The following SBF2 variants were observed in gnomAD, a reference collection of about 807,000 sequenced individuals.
SBF2 encodes myotubularin-related protein 13.
In SBF2, 112 loss-of-function variants were observed where a neutral mutation model predicts 225.2. The observed-to-expected ratio is 0.50, with a 90% CI of 0.43 to 0.58. SBF2 has a LOEUF of 0.58. Among genes scored for constraint, SBF2 ranks in the 20% least tolerant of loss-of-function variants. The probability of loss-of-function intolerance (pLI) is 0.00; values close to 1 mark genes in which losing one functional copy is unlikely to be tolerated. For missense variants in SBF2, 1,996 were observed against 2,206.2 expected (o/e 0.90, Z 1.91); for synonymous variants, 763 against 773.3 (o/e 0.99, Z 0.22).
At chr11:9,791,421 CAAAAAA>C (rs11343948) in intron 33 of SBF2, among the ~76,000 whole-genome samples, 2 of 125,452 alleles carry the variant, frequency 1.6e-5, no homozygotes, top group Admixed American at 7.9e-5. Context: ...ACCAGTTTAT[CAAAAAA>C]AAAAAAAAAA....
chr11:10,203,427 C>A lies in SBF2; in HGVS notation c.56-9440G>T, dbSNP rs191412762. ...CCCTAGATAAAATGTTGCTGTAGAT[C>A]TACCTAACAAAGCTGGGAAACGAGC... is the stretch of plus-strand genomic sequence containing the variant. On this transcript the variant is annotated intron_variant, in intron 1 of 39. Transcript: ENST00000256190. Among the ~76,000 whole-genome samples the A allele has an allele frequency of 5.9e-3, 894 of 152,304 alleles. 9 individuals are homozygous for A. Among genetic ancestry groups the A allele is most frequent in the African/African-American group, 0.02 (835 of 41,560 alleles).
Position 9,940,125 on chromosome 11 carries a change from C to T in SBF2, c.1860+21832G>A, listed in dbSNP as rs142166450. Reference sequence around the variant, plus strand: ...TAAAAAGTACACACTATGCTAAGGCCGGGCGCGGTGGCTCACGCCTGTAAT... The same window carrying T: ...TAAAAAGTACACACTATGCTAAGGCTGGGCGCGGTGGCTCACGCCTGTAAT... On this transcript the variant is annotated intron_variant, in intron 16 of 39. Transcript: ENST00000256190. 2.4e-4 allele frequency among the ~76,000 whole-genome samples: 37 copies of T among 152,242 alleles called. 1 individual carries two copies. The East Asian group carries it at 5.2e-3, about 21-fold the overall frequency.
intron 1 of SBF2, among the ~76,000 whole-genome samples, chr11:10,281,183 C>A (rs1453312592): frequency 1.3e-5 from 2 of 151,968 alleles, no homozygotes; most frequent in African/African-American, 4.8e-5. Context: ...TAAAATAAAT[C>A]CAGAGGGTAG....
intron 35 of SBF2, 57 bp downstream of exon 35, chr11:9,789,052 G>A: frequency 6.9e-7 from 1 of 1,441,346 alleles, no homozygotes; most frequent in Non-Finnish European, 9.8e-7. Context: ...TGGTTCCTTT[G>A]CCCTCATGCC....
chr11:10,027,706 T>C (rs540443194), intron 6 of SBF2, among the ~76,000 whole-genome samples: 5 of 152,296 alleles, frequency 3.3e-5, no homozygotes, highest in African/African-American at 1.2e-4. Context: ...TTTTAAGTTA[T>C]ATATTTCTTA....
chr11:9,822,540 G>T (rs1318895352), intron 28 of SBF2, among the ~76,000 whole-genome samples: 1 of 152,158 alleles, frequency 6.6e-6, no homozygotes, highest in African/African-American at 2.4e-5. Flanking sequence ...GATTACAGGC[G>T]TGAGCCACCG....
intron 14 of SBF2, among the ~76,000 whole-genome samples, chr11:9,966,572 T>C (rs1866926602): frequency 6.6e-6 from 1 of 152,150 alleles, no homozygotes; most frequent in Non-Finnish European, 1.5e-5. Flanking sequence ...TTAATATTTC[T>C]TCCTCAATAG....
chr11:10,084,260 T>C (rs879836913), intron 2 of SBF2, among the ~76,000 whole-genome samples: 1 of 148,198 alleles, frequency 6.7e-6, no homozygotes, highest in South Asian at 2.1e-4. Context: ...AAAAAAAAAG[T>C]GTGCAAAAGA....
At chr11:10,037,625 G>A (rs899564179) in intron 3 of SBF2, among the ~76,000 whole-genome samples, 1 of 145,346 alleles carries the variant, frequency 6.9e-6, no homozygotes, top group East Asian at 2.0e-4. Context: ...CTAGTGTACA[G>A]CAACTTTTGT....
In SBF2 at chr11:9,839,527, G is replaced by T; in HGVS notation, c.3426C>A (p.Ala1142=). The T allele has an allele frequency of 6.2e-7, 1 of 1,614,180 alleles. No homozygotes were observed. Among genetic ancestry groups the T allele is most frequent in the Non-Finnish European group, 8.5e-7 (1 of 1,180,022 alleles). The change falls in exon 26 of 40, where the codon GCC becomes GCA. Residue 1142 remains alanine (A), a synonymous_variant. Coordinates refer to ENST00000256190, the MANE Select transcript of SBF2 (RefSeq NM_030962.4). ...RSRPEYFRIT[A]SNRMYSLCRS... is the part of the protein sequence containing the mutation. ...GGCAGAGTGAATACATCCTGTTGGA[G>T]GCAGTAATTCTAAAATACTCGGGTC...
chr11:9,790,799 G>A, intron 33 of SBF2, 116 bp from the exon 34 acceptor site: 1 of 785,830 alleles, frequency 1.3e-6, no homozygotes. Context: ...TTTAAAAACA[G>A]CAACATTTGT....
chr11:9,816,901 T>G lies in SBF2; in HGVS notation c.3917A>C (p.Gln1306Pro). ...TGCTTGCCGTTTCAAGAGCTGGTTT[T>G]GTAGGTAGCTGCTGTTACTGAAGGA... is the stretch of plus-strand genomic sequence containing the variant. Reference protein sequence around the residue: ...SASFSNSSYLQNQLLKRQAAL... With the variant: ...SASFSNSSYLPNQLLKRQAAL... The change falls in exon 29 of 40, where the codon CAA (glutamine) becomes CCA (proline). Residue 1306 changes from glutamine (Q) to proline (P), a missense_variant. Gln to Pro is a moderately conservative substitution (Grantham distance 76, BLOSUM62 -1). Transcript: ENST00000256190. The G allele has an allele frequency of 6.2e-7, 1 of 1,614,186 alleles. No homozygotes were observed. The highest frequency in any genetic ancestry group is 2.2e-5 in the East Asian group (1 of 44,882).
chr11:10,084,602 G>A (rs1314985252), intron 2 of SBF2, among the ~76,000 whole-genome samples: 1 of 152,092 alleles, frequency 6.6e-6, no homozygotes, highest in Non-Finnish European at 1.5e-5. Flanking sequence ...AGGAAAATAA[G>A]TTATGACATA....
intron 2 of SBF2, among the ~76,000 whole-genome samples, chr11:10,107,310 A>G (rs1301961017): frequency 6.6e-6 from 1 of 152,250 alleles, no homozygotes; most frequent in Non-Finnish European, 1.5e-5. Flanking sequence ...ATACATATAA[A>G]TGGAATACTA....
At chr11:10,013,585 T>C (rs1221589063) in intron 6 of SBF2, among the ~76,000 whole-genome samples, 1 of 152,224 alleles carries the variant, frequency 6.6e-6, no homozygotes, top group Non-Finnish European at 1.5e-5. Context: ...CTTTGTACTG[T>C]CTTTGGTGAT....
At chr11:10,231,254 G>A (rs1234586325) in intron 1 of SBF2, among the ~76,000 whole-genome samples, 4 of 152,034 alleles carry the variant, frequency 2.6e-5, no homozygotes, top group South Asian at 2.1e-4. Flanking sequence ...CCATTGGTTC[G>A]AACTTTCTCC....
At chr11:9,993,528 C>A (rs1370462655) in intron 10 of SBF2, among the ~76,000 whole-genome samples, 1 of 152,258 alleles carries the variant, frequency 6.6e-6, no homozygotes, top group Non-Finnish European at 1.5e-5. Context: ...ACAGACTCTT[C>A]AAACTTGATT....
intron 2 of SBF2, among the ~76,000 whole-genome samples, chr11:10,087,762 T>C (rs1951629072): frequency 6.6e-6 from 1 of 152,224 alleles, no homozygotes; most frequent in East Asian, 1.9e-4. Context: ...AGTTATACTG[T>C]ATCCTGTGTT....
intron 2 of SBF2, among the ~76,000 whole-genome samples, chr11:10,047,014 T>C (rs1227361858): frequency 6.6e-6 from 1 of 151,978 alleles, no homozygotes; most frequent in Non-Finnish European, 1.5e-5. Flanking sequence ...AAAAATATAA[T>C]ACCATTTACA....
Sources: allele counts gnomAD v4.1 joint callset (sites outside exome capture counted in the v4.1 genomes callset), GRCh38; gene constraint gnomAD v4.1.1; transcripts MANE v1.5; gene names NCBI Gene and HGNC (gene_info 2026-07-23, HGNC 2026-07-21).